Variants in NR4A2 observed in about 807,000 individuals in gnomAD.
The protein encoded by NR4A2 is nuclear receptor subfamily 4 group A member 2, also known as NGFI-B/nur77 beta-type transcription factor homolog.
In NR4A2, 1 loss-of-function variant was observed where a neutral mutation model predicts 50.5. The ratio of observed to expected loss-of-function variants is 0.02; its 90% confidence interval spans 0.01 to 0.09. The LOEUF is 0.09. Ranked by LOEUF, NR4A2 falls within the 10% of genes least tolerant of loss-of-function variation. The pLI is 1.00. For missense variants in NR4A2, 613 were observed against 777.3 expected (o/e 0.79, Z 2.51); for synonymous variants, 328 against 309.4 (o/e 1.06, Z -0.63).
chr2:156,330,660 G>T lies in NR4A2; in HGVS notation c.-3+8C>A, dbSNP rs1573820523. The T allele has an allele frequency of 7.8e-7, 1 of 1,285,866 alleles. No homozygotes were observed. Among genetic ancestry groups the T allele is most frequent in the Admixed American group, 3.6e-5 (1 of 27,454 alleles). The allele number at this position is 1,285,866 out of a possible 1,614,324, so 79.7% of individuals were successfully genotyped here. On this transcript the variant is annotated splice_region_variant and intron_variant, in intron 2 of 7. Transcript: ENST00000339562. The stretch of plus-strand genomic sequence containing the variant: ...GAGAGTAAAGGAAAGAAATGAAGTT[G>T]CACTAACCTTCAGCCGAGTTACAGG...
rs1329825739 is a variant in NR4A2 at position 156,325,085 on chromosome 2, ATT to A, written c.*657_*658del. 1.3e-5 allele frequency: 2 copies of A among 152,406 alleles called. No homozygotes were observed. The highest frequency in any genetic ancestry group is 2.9e-5 in the Non-Finnish European group (2 of 68,078). The allele number at this position is 152,406 out of a possible 1,614,324, so 9.4% of individuals were successfully genotyped here. On this transcript the variant is annotated 3_prime_UTR_variant, in exon 8 of 8. Coordinates refer to ENST00000339562, the MANE Select transcript of NR4A2 (RefSeq NM_006186.4). ...ATGCTTGTCCCTTTTTTATGTATTTATTTTCTTTTTTTTTGCAAACACACTTA... is the reference window on the plus strand; with the variant it reads ...ATGCTTGTCCCTTTTTTATGTATTTATTCTTTTTTTTTGCAAACACACTTA...
chr2:156,329,917 A>C lies in NR4A2; in HGVS notation c.270T>G (p.Ile90Met). Residue 90 changes from isoleucine to methionine, a missense_variant, in exon 3 of 8, where the codon ATT becomes ATG. Around this residue, in one of 4 missense-constraint regions of NR4A2, gnomAD observed 275 missense variants for 248.9 expected, o/e 1.10. Coordinates refer to ENST00000339562, the MANE Select transcript of NR4A2 (RefSeq NM_006186.4). The surrounding 1 kb of genome is among the most constrained non-coding windows in gnomAD (Gnocchi z 7.5). ...QMPLSGQQSS[I>M]KVEDIQMHNY... is the part of the protein sequence containing the mutation. ...TGTGCATCTGAATGTCTTCTACCTT[A>C]ATGGAGGACTGCTGTCCGGACAGGG... is the stretch of plus-strand genomic sequence containing the variant. 2 of 1,614,116 alleles carry C rather than the reference A, an allele frequency of 1.2e-6. No individual in the cohort carries two copies. The highest frequency in any genetic ancestry group is 2.2e-5 in the South Asian group (2 of 91,082).
intron 1 of NR4A2, among the ~76,000 whole-genome samples, chr2:156,331,448 A>G (rs1558869959): frequency 1.3e-5 from 2 of 152,210 alleles, no homozygotes; most frequent in Admixed American, 1.3e-4. Flanking sequence ...CTTAATGGTC[A>G]CAAGGTGGGA....
rs1434356689 is a variant in NR4A2 at position 156,329,878 on chromosome 2, G to A, written c.309C>T (p.His103=). The A allele has an allele frequency of 5.0e-6, 8 of 1,614,082 alleles. No homozygotes were observed. The Admixed American group carries it at 8.3e-5, about 17-fold the overall frequency. Residue 103 remains histidine (H), a synonymous_variant, in exon 3 of 8, where the codon CAC becomes CAT. Transcript: ENST00000339562. The surrounding 1 kb of genome is among the most constrained non-coding windows in gnomAD (Gnocchi z 7.5). ...CCTCAGACTGGGGGGGCAGGTGGCT[G>A]TGTTGCTGGTAGTTGTGCATCTGAA... The part of the protein sequence containing the change: ...EDIQMHNYQQ[H]SHLPPQSEEM...
In NR4A2 at chr2:156,332,576, G is replaced by A. The variant is rs114461423; in HGVS notation, c.-223C>T. ...GCCGGGGTCGGGTAGGGGTGGGAGA[G>A]CTGGGCGAAGGGAACCCGGACACCT... On this transcript the variant is annotated 5_prime_UTR_variant, in exon 1 of 8. Coordinates refer to ENST00000339562, the MANE Select transcript of NR4A2 (RefSeq NM_006186.4). The A allele has an allele frequency of 3.1e-3, 3,541 of 1,130,212 alleles. 84 individuals carry two copies. The African/African-American group carries it at 0.052, about 17-fold the overall frequency. The allele number at this position is 1,130,212 out of a possible 1,614,324, so 70.0% of individuals were successfully genotyped here.
intron 1 of NR4A2, 69 bp from the exon 2 acceptor site, chr2:156,330,860 C>T: frequency 8.2e-7 from 1 of 1,225,908 alleles, no homozygotes. Context: ...TATGTAGACT[C>T]ACCAGGCAGG....
chr2:156,329,823 A>G lies in NR4A2; in HGVS notation c.364T>C (p.Tyr122His). Residue 122 changes from tyrosine to histidine, a missense_variant, in exon 3 of 8, where the codon TAC becomes CAC. Coordinates refer to ENST00000339562, the MANE Select transcript of NR4A2 (RefSeq NM_006186.4). The surrounding 1 kb of genome is among the most constrained non-coding windows in gnomAD (Gnocchi z 7.5). ...GGCGTCGGGGGCGAGGAGGGCTTGTAGTAAACCGACCCGGAGTGCGGCATC... is the reference window on the plus strand; with the variant it reads ...GGCGTCGGGGGCGAGGAGGGCTTGTGGTAAACCGACCCGGAGTGCGGCATC... Reference protein sequence around the residue: ...EMMPHSGSVYYKPSSPPTPTT... With the variant: ...EMMPHSGSVYHKPSSPPTPTT... 1 of 1,614,140 alleles carries G rather than the reference A, an allele frequency of 6.2e-7. No homozygotes were observed. The highest frequency in any genetic ancestry group is 8.5e-7 in the Non-Finnish European group (1 of 1,180,012).
Position 156,328,552 on chromosome 2 carries a change from TAGACCAAC to T in NR4A2, c.865-27_865-20del, listed in dbSNP as rs768136480. The T allele has an allele frequency of 6.2e-7, 1 of 1,614,184 alleles. No individual in the cohort carries two copies. Among genetic ancestry groups the T allele is most frequent in the South Asian group, 1.1e-5 (1 of 91,090 alleles). On this transcript the variant is annotated intron_variant, in intron 3 of 7. Coordinates refer to ENST00000339562, the MANE Select transcript of NR4A2 (RefSeq NM_006186.4). The surrounding 1 kb of genome is among the most constrained non-coding windows in gnomAD (Gnocchi z 4.9). ...CTGTGCGCTGCAAAAGGAGACAATA[TAGACCAAC>T]ATTTTTTTTCTTCTTTTGAAAATCA...
chr2:156,331,607 TG>T (rs1263999094), intron 1 of NR4A2, among the ~76,000 whole-genome samples: 2 of 152,238 alleles, frequency 1.3e-5, no homozygotes, highest in Non-Finnish European at 2.9e-5. Flanking sequence ...TCTGCCTTTC[TG>T]GAACAAGGCA....
At position 156,326,747 on chromosome 2, in the gene NR4A2, T is replaced by C; in HGVS notation, c.1332A>G (p.Leu444=). The C allele has an allele frequency of 6.2e-7, 1 of 1,614,162 alleles. No homozygotes were observed. The highest frequency in any genetic ancestry group is 8.5e-7 in the Non-Finnish European group (1 of 1,180,010). The part of the protein sequence containing the change: ...DQDLLFESAF[L]ELFVLRLAYR... ...ATGCTAATCGAAGGACAAACAGTTC[T>C]AAGAAAGCTGATTCAAAAAGCAGGT... is the stretch of plus-strand genomic sequence containing the variant. The change falls in exon 6 of 8, where the codon TTA becomes TTG. Residue 444 remains leucine, a synonymous_variant. Coordinates refer to ENST00000339562, the MANE Select transcript of NR4A2 (RefSeq NM_006186.4). This position sits in a 1 kb window ranked among gnomAD's most constrained non-coding sequence, Gnocchi z 4.2.
chr2:156,326,477 G>A lies in NR4A2; in HGVS notation c.1362-149C>T. On this transcript the variant is annotated intron_variant, in intron 6 of 7. Transcript: ENST00000339562. This position sits in a 1 kb window ranked among gnomAD's most constrained non-coding sequence, Gnocchi z 4.2. ...ATGTAGACCAGTGGACCTTGAAAGG[G>A]TTTAATTTCATAACAATCAAGAACG... The A allele has an allele frequency of 1.1e-6, 1 of 900,402 alleles. No homozygotes were observed. Among genetic ancestry groups the A allele is most frequent in the Non-Finnish European group, 1.8e-6 (1 of 569,468 alleles). The allele number at this position is 900,402 out of a possible 1,614,324, so 55.8% of individuals were successfully genotyped here. A position where few individuals can be genotyped will look rare whatever the true frequency, so the allele number is the denominator to read the frequency against.
chr2:156,325,692 T>C lies in NR4A2; in HGVS notation c.*52A>G, dbSNP rs1228943630. 1.2e-6 allele frequency: 2 copies of C among 1,611,614 alleles called. No individual in the cohort carries two copies. The highest frequency in any genetic ancestry group is 2.2e-5 in the East Asian group (1 of 44,892). ...CTCTGCCCATGTGACTTGCCCCCTC[T>C]TGACAGTTTCCATTATCATTCCAGT... is the stretch of plus-strand genomic sequence containing the variant. On this transcript the variant is annotated 3_prime_UTR_variant, in exon 8 of 8. Coordinates refer to ENST00000339562, the MANE Select transcript of NR4A2 (RefSeq NM_006186.4).
intron 5 of NR4A2, among the ~76,000 whole-genome samples, chr2:156,327,391 CTCCTT>C (rs895244628): frequency 6.6e-6 from 1 of 152,204 alleles, no homozygotes; most frequent in African/African-American, 2.4e-5. Context: ...TTTACACCCT[CTCCTT>C]CCCTTCCCTG....
In NR4A2 at chr2:156,326,223, G is replaced by T; in HGVS notation, c.1467C>A (p.Phe489Leu). The change falls in exon 7 of 8, where the codon TTC becomes TTA. Residue 489 changes from phenylalanine to leucine, a missense_variant. Physicochemically the swap from Phe to Leu is conservative, Grantham distance 22 (BLOSUM62 0). This residue lies in a region of NR4A2 where 250 missense variants were observed against 311.3 expected (regional missense o/e 0.80). Coordinates refer to ENST00000339562, the MANE Select transcript of NR4A2 (RefSeq NM_006186.4). The surrounding 1 kb of genome is among the most constrained non-coding windows in gnomAD (Gnocchi z 4.2). ...TGTTCATATTCTGCAAGTTGGAGGA[G>T]AATTCAACAATGGAATCAATCCATT... Reference protein sequence around the residue: ...FGEWIDSIVEFSSNLQNMNID... With the variant: ...FGEWIDSIVELSSNLQNMNID... The T allele has an allele frequency of 6.2e-7, 1 of 1,614,206 alleles. No individual in the cohort carries two copies. The highest frequency in any genetic ancestry group is 1.1e-5 in the South Asian group (1 of 91,086).
chr2:156,328,078 C>T lies in NR4A2; in HGVS notation c.995-64G>A. 6.4e-7 allele frequency: 1 copy of T among 1,560,794 alleles called. No individual in the cohort carries two copies. Among genetic ancestry groups the T allele is most frequent in the Non-Finnish European group, 8.7e-7 (1 of 1,151,004 alleles). On this transcript the variant is annotated intron_variant, in intron 4 of 7. Coordinates refer to ENST00000339562, the MANE Select transcript of NR4A2 (RefSeq NM_006186.4). The surrounding 1 kb of genome is among the most constrained non-coding windows in gnomAD (Gnocchi z 4.9). ...CCCAGGCCCAGCTGCTGCCTCGGTCCCTCCCCGGGGAAGGCCGCAGCCGCG... is the reference window on the plus strand; with the variant it reads ...CCCAGGCCCAGCTGCTGCCTCGGTCTCTCCCCGGGGAAGGCCGCAGCCGCG...
chr2:156,325,404 C>T lies in NR4A2; in HGVS notation c.*340G>A, dbSNP rs1686597603. The T allele has an allele frequency of 2.8e-6, 1 of 351,370 alleles. No homozygotes were observed. The highest frequency in any genetic ancestry group is 2.1e-5 in the African/African-American group (1 of 47,008). 21.8% of individuals were successfully genotyped at this position (351,370 alleles called of 1,614,324 possible). ...ACAACCAAGCATGGCCAAACATTTC[C>T]CATTATACATTATAGCAATCTTTCT... On this transcript the variant is annotated 3_prime_UTR_variant, in exon 8 of 8. Coordinates refer to ENST00000339562, the MANE Select transcript of NR4A2 (RefSeq NM_006186.4).
Position 156,328,100 on chromosome 2 carries a change from C to A in NR4A2, c.995-86G>T, listed in dbSNP as rs760687343. The A allele has an allele frequency of 1.6e-5, 25 of 1,532,872 alleles. No individual in the cohort carries two copies. Among genetic ancestry groups the A allele is most frequent in the Non-Finnish European group, 2.2e-5 (25 of 1,130,448 alleles). The allele number at this position is 1,532,872 out of a possible 1,614,324, so 95.0% of individuals were successfully genotyped here. On this transcript the variant is annotated intron_variant, in intron 4 of 7. Coordinates refer to ENST00000339562, the MANE Select transcript of NR4A2 (RefSeq NM_006186.4). This position sits in a 1 kb window ranked among gnomAD's most constrained non-coding sequence, Gnocchi z 4.9. ...GTCCCTCCCCGGGGAAGGCCGCAGC[C>A]GCGGGGCACCAGGCTGAGCGGCTGA...
Position 156,332,639 on chromosome 2 carries a change from C to T in NR4A2, c.-286G>A, listed in dbSNP as rs1298419827. The T allele has an allele frequency of 5.7e-6, 3 of 529,560 alleles. No homozygotes were observed. The highest frequency in any genetic ancestry group is 1.5e-5 in the South Asian group (1 of 65,024). 32.8% of individuals were successfully genotyped at this position (529,560 alleles called of 1,614,324 possible). On this transcript the variant is annotated 5_prime_UTR_variant, in exon 1 of 8. Coordinates refer to ENST00000339562, the MANE Select transcript of NR4A2 (RefSeq NM_006186.4). The stretch of plus-strand genomic sequence containing the variant: ...GAGCAGGGACAGGCGGCCGGCTGGA[C>T]AGGCAAAAGGGACCGCGGAGCCGTG...
At position 156,325,309 on chromosome 2, in the gene NR4A2, C is replaced by T. The variant is rs1686588908; in HGVS notation, c.*435G>A. The T allele has an allele frequency of 4.8e-6, 1 of 206,262 alleles. No individual in the cohort carries two copies. The highest frequency in any genetic ancestry group is 9.9e-6 in the Non-Finnish European group (1 of 100,722). 12.8% of individuals were successfully genotyped at this position (206,262 alleles called of 1,614,324 possible). ...GTTAAAGGGCAATACTTGTGGGTCC[C>T]CTTAAGATGTGTCTCTGTGTGTGTG... On this transcript the variant is annotated 3_prime_UTR_variant, in exon 8 of 8. Transcript: ENST00000339562.
Sources: gnomAD v4.1 joint callset for allele counts (sites outside exome capture counted in the v4.1 genomes callset) on GRCh38, gnomAD v4.1.1 for gene constraint, gnomAD v4.1.1 regional missense constraint, Gnocchi (gnomAD v3.1) non-coding constraint, MANE v1.5 for transcripts, NCBI Gene and HGNC (gene_info 2026-07-23, HGNC 2026-07-21) for gene names.